The following TFEC variants were observed in gnomAD, a reference collection of about 807,000 sequenced individuals.
TFEC encodes the protein transcription factor EC, also known as class E basic helix-loop-helix protein 34.
TFEC carries 31 observed loss-of-function variants against 41.6 expected under a neutral mutation model. The ratio of observed to expected loss-of-function variants is 0.74; its 90% CI spans 0.56 to 1.01. The LOEUF is 1.01. TFEC is among the 50% of genes least tolerant of loss of function. The pLI is 0.00. For synonymous variants in TFEC, 143 were observed against 140.6 expected (o/e 1.02, Z -0.12); for missense variants, 402 against 404.1 (o/e 0.99, Z 0.04).
chr7:116,094,984 G>C (rs1358861141), intron 3 of TFEC, among the ~76,000 whole-genome samples: 1 of 152,086 alleles, frequency 6.6e-6, no homozygotes, highest in South Asian at 2.1e-4. Context: ...TATATGCCTG[G>C]GATATTCAGC....
chr7:116,109,431 C>G (rs1196256521), intron 3 of TFEC, among the ~76,000 whole-genome samples: 3 of 152,190 alleles, frequency 2.0e-5, no homozygotes, highest in Non-Finnish European at 4.4e-5. Context: ...ACAGACATTT[C>G]TCAAAAGAAG....
At chr7:116,140,473 C>G (rs1385255755) in intron 1 of TFEC, among the ~76,000 whole-genome samples, 1 of 152,134 alleles carries the variant, frequency 6.6e-6, no homozygotes, top group African/African-American at 2.4e-5. Context: ...CTTGAGAGAG[C>G]CTAGTAGATC....
intron 1 of TFEC, among the ~76,000 whole-genome samples, chr7:116,159,160 C>T (rs927690612): frequency 6.6e-6 from 1 of 151,814 alleles, no homozygotes; most frequent in Non-Finnish European, 1.5e-5. Flanking sequence ...TAATAAGTCA[C>T]AAGTGTATTT....
intron 5 of TFEC, among the ~76,000 whole-genome samples, chr7:115,953,890 T>C (rs559713484): frequency 2.0e-5 from 3 of 152,236 alleles, no homozygotes; most frequent in Admixed American, 2.0e-4. Context: ...AATATTTTAT[T>C]TATTTTAATT....
chr7:116,053,860 A>G (rs974433943), intron 3 of TFEC, among the ~76,000 whole-genome samples: 2 of 152,228 alleles, frequency 1.3e-5, no homozygotes, highest in African/African-American at 2.4e-5. Flanking sequence ...ATATTTTGTT[A>G]TAAGCAACAG....
rs537777749 is a variant in TFEC at position 116,064,082 on chromosome 7, G to C, written c.198+46626C>G. Among the ~76,000 whole-genome samples the C allele has an allele frequency of 9.9e-5, 15 of 152,208 alleles. No homozygotes were observed. The South Asian group carries it at 2.3e-3, about 23-fold the overall frequency. ...ACTGGGGTTTCCTGGGATGGAGCGGGGGGGCAGTTAGAGAGATGCTGGCCA... is the reference window on the plus strand; with the variant it reads ...ACTGGGGTTTCCTGGGATGGAGCGGCGGGGCAGTTAGAGAGATGCTGGCCA... On this transcript the variant is annotated intron_variant, in intron 3 of 8. Transcript: ENST00000484212.
intron 3 of TFEC, among the ~76,000 whole-genome samples, chr7:116,061,127 T>G (rs560919504): frequency 6.6e-6 from 1 of 152,226 alleles, no homozygotes; most frequent in South Asian, 2.1e-4. Flanking sequence ...GATTCTAAAT[T>G]TATATGGAAA....
At chr7:115,955,497 G>C (rs1282711946) in intron 4 of TFEC, among the ~76,000 whole-genome samples, 1 of 152,030 alleles carries the variant, frequency 6.6e-6, no homozygotes, top group African/African-American at 2.4e-5. Context: ...AAGAACTTGA[G>C]TGAAACACCT....
rs1484855015 is a variant in TFEC, at chr7:115,984,411, T to C, written c.31A>G (p.Thr11Ala). The change falls in exon 2 of 8, where the codon ACT (threonine) becomes GCT (alanine). Residue 11 changes from threonine (T) to alanine (A), a missense_variant. Coordinates refer to ENST00000265440, the MANE Select transcript of TFEC (RefSeq NM_012252.4). MTLDHQIINP[T>A]LKWSQPAVPS... Reference sequence around the variant, plus strand: ...ACTGCAGGTTGTGACCATTTAAGAGTTGGATTGATGATCTGATGATCAAGG... The same window carrying C: ...ACTGCAGGTTGTGACCATTTAAGAGCTGGATTGATGATCTGATGATCAAGG... The C allele has an allele frequency of 3.1e-6, 5 of 1,613,858 alleles. No individual in the cohort carries two copies. The highest frequency in any genetic ancestry group is 2.7e-5 in the African/African-American group (2 of 74,860).
chr7:116,117,656 C>T (rs1299773858), intron 1 of TFEC: 2 of 151,714 alleles, frequency 1.3e-5, no homozygotes, highest in Non-Finnish European at 2.9e-5. Context: ...CTAACAAAGA[C>T]GAATAAGTTA....
At chr7:116,036,116 G>T (rs552516997) in intron 3 of TFEC, among the ~76,000 whole-genome samples, 2 of 151,924 alleles carry the variant, frequency 1.3e-5, no homozygotes, top group African/African-American at 4.8e-5. Context: ...CTGTATTGTC[G>T]ATTATTTTGC....
At chr7:116,006,866 T>C (rs1472311637) in intron 1 of TFEC, among the ~76,000 whole-genome samples, 1 of 152,140 alleles carries the variant, frequency 6.6e-6, no homozygotes, top group Non-Finnish European at 1.5e-5. Context: ...GTTCTCATGA[T>C]AGTGAGTAAG....
intron 4 of TFEC, 97 bp downstream of exon 4, chr7:115,956,582 G>T (rs1439481835): frequency 6.2e-6 from 4 of 642,828 alleles, no homozygotes; most frequent in Non-Finnish European, 2.3e-6. Flanking sequence ...TAACTGTTTT[G>T]TTATACTTTT....
chr7:116,103,475 T>C (rs1797648614), intron 3 of TFEC, among the ~76,000 whole-genome samples: 1 of 152,192 alleles, frequency 6.6e-6, no homozygotes, highest in African/African-American at 2.4e-5. Flanking sequence ...AGCTGTTCAA[T>C]CTAGTGAGCA....
At chr7:116,141,512 G>T (rs995338450) in intron 1 of TFEC, among the ~76,000 whole-genome samples, 1 of 152,172 alleles carries the variant, frequency 6.6e-6, no homozygotes, top group Admixed American at 6.5e-5. Flanking sequence ...CTGGACAAAG[G>T]TAAAACAGAC....
chr7:115,968,217 C>A, intron 3 of TFEC: 2 of 1,531,524 alleles, frequency 1.3e-6, no homozygotes, highest in Non-Finnish European at 1.7e-6. Context: ...ATAACCTTCA[C>A]AATAGCAATG....
upstream of TFEC, among the ~76,000 whole-genome samples, chr7:116,035,353 G>A (rs954415404): frequency 4.6e-5 from 7 of 151,952 alleles, no homozygotes; most frequent in African/African-American, 1.7e-4. Flanking sequence ...GATCATACGT[G>A]ACCTCCTGTC....
chr7:116,126,297 A>G (rs1362843126), intron 1 of TFEC, among the ~76,000 whole-genome samples: 1 of 152,178 alleles, frequency 6.6e-6, no homozygotes, highest in Non-Finnish European at 1.5e-5. Flanking sequence ...TACTCACTAA[A>G]TAAATGTAAG....
At chr7:116,050,593 T>C (rs1796285214) in intron 3 of TFEC, among the ~76,000 whole-genome samples, 1 of 152,126 alleles carries the variant, frequency 6.6e-6, no homozygotes. Flanking sequence ...AAAACCACAA[T>C]GAGATACCAT....
Sources: allele counts gnomAD v4.1 joint callset (sites outside exome capture counted in the v4.1 genomes callset), GRCh38; gene constraint gnomAD v4.1.1; transcripts MANE v1.5; gene names NCBI Gene and HGNC (gene_info 2026-07-23, HGNC 2026-07-21).